BRIP1: variants seen among roughly 807,000 people sequenced by gnomAD.
BRIP1 encodes Fanconi anemia group J protein.
A neutral mutation model predicts 119.7 loss-of-function variants in BRIP1; 88 were observed. That is an observed-to-expected ratio of 0.74 (90% confidence interval 0.62 to 0.88). BRIP1 has a LOEUF of 0.88. Ranked by LOEUF, BRIP1 falls within the 40% of genes least tolerant of loss-of-function variation. The probability of loss-of-function intolerance (pLI) is 0.00; values close to 1 mark genes in which losing one functional copy is unlikely to be tolerated. For synonymous variants in BRIP1, 443 were observed against 496.5 expected (o/e 0.89, Z 1.43); for missense variants, 1,259 against 1,455.4 (o/e 0.87, Z 2.20).
Position 61,823,375 on chromosome 17 carries a change from A to G in BRIP1, c.628-14618T>C, listed in dbSNP as rs2078355108. ...TGAAACAGTACTTTTCAGACACTGA[A>G]TTGTGATCTCAGAGAAAAGGAAACA... On this transcript the variant is annotated intron_variant, in intron 6 of 19. Coordinates refer to ENST00000259008, the MANE Select transcript of BRIP1 (RefSeq NM_032043.3). This position sits in a 1 kb window ranked among gnomAD's most constrained non-coding sequence, Gnocchi z 4.8. Among the ~76,000 whole-genome samples the G allele has an allele frequency of 6.6e-6, 1 of 152,228 alleles. No individual in the cohort carries two copies. The highest frequency in any genetic ancestry group is 1.5e-5 in the Non-Finnish European group (1 of 68,030).
At chr17:61,835,677 A>AT (rs1487562088) in intron 6 of BRIP1, among the ~76,000 whole-genome samples, 1 of 151,838 alleles carries the variant, frequency 6.6e-6, no homozygotes, top group African/African-American at 2.4e-5. Context: ...TCTTTGACAT[A>AT]TTTTTTCACA....
At chr17:61,719,584 G>A (rs1448264801) in intron 16 of BRIP1, among the ~76,000 whole-genome samples, 1 of 151,882 alleles carries the variant, frequency 6.6e-6, no homozygotes. Context: ...AATTAGCCAG[G>A]TGTGGTGGCA....
intron 10 of BRIP1, among the ~76,000 whole-genome samples, chr17:61,786,987 T>A (rs867209896): frequency 1.3e-5 from 1 of 76,428 alleles, no homozygotes; most frequent in Admixed American, 1.6e-4. Flanking sequence ...TAAATTTATA[T>A]AAATTTATAA....
rs1319255483 is a variant in BRIP1, at chr17:61,852,809, GACTA to G, written c.380-3557_380-3554del. Reference sequence around the variant, plus strand: ...GAGAATACCACACATACACAAGAATGACTAACTTTTTTTTTAAACTATAAATATC... The same window carrying G: ...GAGAATACCACACATACACAAGAATGACTTTTTTTTTAAACTATAAATATC... On this transcript the variant is annotated intron_variant, in intron 4 of 19. Coordinates refer to ENST00000259008, the MANE Select transcript of BRIP1 (RefSeq NM_032043.3). This position sits in a 1 kb window ranked among gnomAD's most constrained non-coding sequence, Gnocchi z 4.9. Among the ~76,000 whole-genome samples, 5 of 152,072 alleles carry G rather than the reference GACTA, an allele frequency of 3.3e-5. No homozygotes were observed. The highest frequency in any genetic ancestry group is 5.9e-5 in the Non-Finnish European group (4 of 68,026).
At position 61,735,904 on chromosome 17, in the gene BRIP1, A is replaced by G. The variant is rs1603301182; in HGVS notation, c.2379+7109T>C. 6.6e-6 allele frequency among the ~76,000 whole-genome samples: 1 copy of G among 152,318 alleles called. No individual in the cohort carries two copies. Among genetic ancestry groups the G allele is most frequent in the South Asian group, 2.1e-4 (1 of 4,832 alleles). ...GCCAGATAACAACACAACCTGGCCA[A>G]CACTCTGATTGCAGCAGTTTTGTGG... is the stretch of plus-strand genomic sequence containing the variant. On this transcript the variant is annotated intron_variant, in intron 16 of 19. Transcript: ENST00000259008. The surrounding 1 kb of genome is among the most constrained non-coding windows in gnomAD (Gnocchi z 4.4).
Position 61,755,577 on chromosome 17 carries a change from A to C in BRIP1, c.2098-10986T>G, listed in dbSNP as rs1170790907. Among the ~76,000 whole-genome samples the C allele has an allele frequency of 6.6e-6, 1 of 152,090 alleles. No homozygotes were observed. The highest frequency in any genetic ancestry group is 1.5e-5 in the Non-Finnish European group (1 of 68,012). On this transcript the variant is annotated intron_variant, in intron 14 of 19. Coordinates refer to ENST00000259008, the MANE Select transcript of BRIP1 (RefSeq NM_032043.3). This position sits in a 1 kb window ranked among gnomAD's most constrained non-coding sequence, Gnocchi z 4.5. The stretch of plus-strand genomic sequence containing the variant: ...CTATCTGAAAAAACAAATAAAAATA[A>C]AATATTAAAAATAAGAGTATCCAGA...
At chr17:61,838,459 C>T (rs1271471568) in intron 6 of BRIP1, among the ~76,000 whole-genome samples, 1 of 151,482 alleles carries the variant, frequency 6.6e-6, no homozygotes, top group Non-Finnish European at 1.5e-5. Context: ...GGCAGGAGAA[C>T]GGTGTGAACC....
chr17:61,680,267 G>A lies in BRIP1; in HGVS notation c.*3029C>T, dbSNP rs1438546160. Among the ~76,000 whole-genome samples, 1 of 151,346 alleles carries A rather than the reference G, an allele frequency of 6.6e-6. No homozygotes were observed. Among genetic ancestry groups the A allele is most frequent in the Non-Finnish European group, 1.5e-5 (1 of 67,894 alleles). On this transcript the variant is annotated 3_prime_UTR_variant, in exon 20 of 20. Coordinates refer to ENST00000259008, the MANE Select transcript of BRIP1 (RefSeq NM_032043.3). ...CGCAGGAGGCTGAGACATGAGAATC[G>A]CTTTAACCTGCGAGGCAGAGGTTGC... is the stretch of plus-strand genomic sequence containing the variant.
At chr17:61,727,796 A>C (rs566336034) in intron 16 of BRIP1, among the ~76,000 whole-genome samples, 8,522 of 149,348 alleles carry the variant, frequency 0.057, 327 homozygotes, top group South Asian at 0.19. Flanking sequence ...CTCTCTATAT[A>C]TATATATATA....
rs2078385349 is a variant in BRIP1, at chr17:61,825,136, T to A, written c.628-16379A>T. Among the ~76,000 whole-genome samples the A allele has an allele frequency of 6.6e-6, 1 of 151,654 alleles. No homozygotes were observed. Among genetic ancestry groups the A allele is most frequent in the Non-Finnish European group, 1.5e-5 (1 of 67,912 alleles). ...CCGTCTCTACTAAAAATACAAAAAATTAGCTGGGCAAGGTGGCGGGCACCT... is the reference window on the plus strand; with the variant it reads ...CCGTCTCTACTAAAAATACAAAAAAATAGCTGGGCAAGGTGGCGGGCACCT... On this transcript the variant is annotated intron_variant, in intron 6 of 19. Transcript: ENST00000259008. This position sits in a 1 kb window ranked among gnomAD's most constrained non-coding sequence, Gnocchi z 4.1.
rs2077604916 is a variant in BRIP1, at chr17:61,780,781, T to C, written c.1794+59A>G. On this transcript the variant is annotated intron_variant, in intron 12 of 19. Transcript: ENST00000259008. The surrounding 1 kb of genome is among the most constrained non-coding windows in gnomAD (Gnocchi z 5.4). ...CTATCTTTAAAAGAGTCAACCACAT[T>C]TATTAAAATGCTGGTACTGAGCAAG... 2.6e-6 allele frequency: 4 copies of C among 1,534,552 alleles called. No homozygotes were observed. The highest frequency in any genetic ancestry group is 2.7e-5 in the African/African-American group (2 of 73,182).
rs879605038 is a variant in BRIP1 at position 61,711,865 on chromosome 17, C to CA, written c.2492+4085dup. ...CCTGGGAAACAGAGCAAGACTCTCTCAAAAAAAAAATAATAATAATAATAA... is the reference window on the plus strand; with the variant it reads ...CCTGGGAAACAGAGCAAGACTCTCTCAAAAAAAAAAATAATAATAATAATAA... On this transcript the variant is annotated intron_variant, in intron 17 of 19. Coordinates refer to ENST00000259008, the MANE Select transcript of BRIP1 (RefSeq NM_032043.3). Among the ~76,000 whole-genome samples, 217 of 145,234 alleles carry CA rather than the reference C, an allele frequency of 1.5e-3. 1 individual carries two copies. The highest frequency in any genetic ancestry group is 4.7e-3 in the African/African-American group (186 of 39,610).
At chr17:61,765,461 A>T (rs758454431) in intron 14 of BRIP1, among the ~76,000 whole-genome samples, 8 of 64,186 alleles carry the variant, frequency 1.2e-4, no homozygotes, top group Non-Finnish European at 2.2e-4. Context: ...TTTGAGACAG[A>T]GTTTCACTCT....
At chr17:61,749,573 G>C (rs1310200727) in intron 14 of BRIP1, among the ~76,000 whole-genome samples, 1 of 152,200 alleles carries the variant, frequency 6.6e-6, no homozygotes, top group East Asian at 1.9e-4. Context: ...TGTTCGGAAG[G>C]CCATTATTTA....
rs1176337898 is a variant in BRIP1, at chr17:61,803,953, T to C, written c.919-2479A>G. Among the ~76,000 whole-genome samples the C allele has an allele frequency of 6.6e-6, 1 of 152,150 alleles. No individual in the cohort carries two copies. Among genetic ancestry groups the C allele is most frequent in the Non-Finnish European group, 1.5e-5 (1 of 68,010 alleles). On this transcript the variant is annotated intron_variant, in intron 7 of 19. Transcript: ENST00000259008. This position sits in a 1 kb window ranked among gnomAD's most constrained non-coding sequence, Gnocchi z 4.3. ...AAAACTTTAGCCCTTAAAAATGATT[T>C]AGATTTGTCTATGTGTTGATTAGGC...
chr17:61,719,020 A>AT (rs1173975713), intron 16 of BRIP1, among the ~76,000 whole-genome samples: 2 of 151,936 alleles, frequency 1.3e-5, no homozygotes, highest in African/African-American at 4.8e-5. Context: ...TACAGAAGCA[A>AT]TTTTTTTTCA....
chr17:61,762,234 T>G lies in BRIP1; in HGVS notation c.2097+14167A>C, dbSNP rs2077287529. ...GAAAATGGACCCTTATCTCACAATA[T>G]TTAAAAAAAAACTCAAAATGAATTA... On this transcript the variant is annotated intron_variant, in intron 14 of 19. Transcript: ENST00000259008. This position sits in a 1 kb window ranked among gnomAD's most constrained non-coding sequence, Gnocchi z 4.3. 6.6e-6 allele frequency among the ~76,000 whole-genome samples: 1 copy of G among 151,842 alleles called. No homozygotes were observed. The highest frequency in any genetic ancestry group is 1.5e-5 in the Non-Finnish European group (1 of 67,942).
rs2145559248 is a variant in BRIP1, at chr17:61,823,606, A to G, written c.628-14849T>C. ...GAACATATAGTCAGTGATGTATAAT[A>G]TCAAGCTGTCTAATATACACATAAT... On this transcript the variant is annotated intron_variant, in intron 6 of 19. Coordinates refer to ENST00000259008, the MANE Select transcript of BRIP1 (RefSeq NM_032043.3). The surrounding 1 kb of genome is among the most constrained non-coding windows in gnomAD (Gnocchi z 4.8). Among the ~76,000 whole-genome samples, 1 of 152,342 alleles carries G rather than the reference A, an allele frequency of 6.6e-6. No individual in the cohort carries two copies. The highest frequency in any genetic ancestry group is 2.4e-5 in the African/African-American group (1 of 41,590).
rs1289102059 is a variant in BRIP1, at chr17:61,780,938, C to T, written c.1696G>A (p.Asp566Asn). The change falls in exon 12 of 20, where the codon GAC (aspartate) becomes AAC (asparagine). Residue 566 changes from aspartate (D) to asparagine (N), a missense_variant. Coordinates refer to ENST00000259008, the MANE Select transcript of BRIP1 (RefSeq NM_032043.3). The surrounding 1 kb of genome is among the most constrained non-coding windows in gnomAD (Gnocchi z 5.4). ...YSWTNQIDIS[D>N]KNGLLVLPKN... ...GGTAGAACCAACAACCCATTTTTGT[C>T]TGAAATATCAATCTGATTTGTCCAG... The T allele has an allele frequency of 1.2e-6, 2 of 1,613,898 alleles. No homozygotes were observed. Among genetic ancestry groups the T allele is most frequent in the African/African-American group, 1.3e-5 (1 of 74,908 alleles).
Sources: allele counts gnomAD v4.1 joint callset (sites outside exome capture counted in the v4.1 genomes callset), GRCh38; gene constraint gnomAD v4.1.1; non-coding constraint Gnocchi (gnomAD v3.1); transcripts MANE v1.5; gene names NCBI Gene and HGNC (gene_info 2026-07-23, HGNC 2026-07-21).